MAGI2: variants seen among roughly 807,000 people sequenced by gnomAD.
The protein encoded by MAGI2 is membrane associated guanylate kinase, WW and PDZ domain containing 2, also known as membrane-associated guanylate kinase, WW and PDZ domain-containing protein 2.
A neutral mutation model predicts 133.3 loss-of-function variants in MAGI2; 35 were observed. The ratio of observed to expected loss-of-function variants is 0.26; its 90% confidence interval spans 0.20 to 0.35. The LOEUF is 0.35. MAGI2 is among the 10% of genes least tolerant of loss of function. The pLI is 1.00. For missense variants in MAGI2, 1,636 were observed against 1,863.4 expected (o/e 0.88, Z 2.25); for synonymous variants, 729 against 710.6 (o/e 1.03, Z -0.41).
At chr7:78,911,957 T>A (rs1798433248) in intron 2 of MAGI2, among the ~76,000 whole-genome samples, 1 of 152,166 alleles carries the variant, frequency 6.6e-6, no homozygotes, top group Non-Finnish European at 1.5e-5. Context: ...CAAGATCATG[T>A]CTTTTACGGG....
chr7:78,293,854 A>C (rs1240401793), intron 9 of MAGI2, among the ~76,000 whole-genome samples: 2 of 152,168 alleles, frequency 1.3e-5, no homozygotes, highest in Non-Finnish European at 2.9e-5. Flanking sequence ...CAAACACTGC[A>C]TGTTCTCACT....
At chr7:78,861,231 C>T (rs918488047) in intron 2 of MAGI2, among the ~76,000 whole-genome samples, 3 of 151,926 alleles carry the variant, frequency 2.0e-5, no homozygotes, top group Non-Finnish European at 4.4e-5. Flanking sequence ...TGGGCTGCAC[C>T]CACTGCCTGA....
intron 2 of MAGI2, among the ~76,000 whole-genome samples, chr7:78,649,235 A>AAAAAAAAAAAAAAAAAAAAT (rs1554512632): frequency 1.4e-5 from 1 of 73,992 alleles, no homozygotes; most frequent in Non-Finnish European, 2.8e-5. Context: ...AAAAAAAAAA[A>AAAAAAAAAAAAAAAAAAAAT]GAAAAAAAAA....
intron 10 of MAGI2, among the ~76,000 whole-genome samples, chr7:78,235,921 T>C (rs1308066230): frequency 6.6e-6 from 1 of 152,018 alleles, no homozygotes; most frequent in African/African-American, 2.4e-5. Flanking sequence ...AAAAGTGACA[T>C]ACTCAAAGTA....
At chr7:79,099,597 A>G (rs1415557088) in intron 1 of MAGI2, among the ~76,000 whole-genome samples, 1 of 152,102 alleles carries the variant, frequency 6.6e-6, no homozygotes, top group Non-Finnish European at 1.5e-5. Context: ...ATAGTACCCA[A>G]TGGGTAGTTT....
chr7:79,075,123 C>A (rs185910869), intron 1 of MAGI2, among the ~76,000 whole-genome samples: 1 of 152,324 alleles, frequency 6.6e-6, no homozygotes, highest in Non-Finnish European at 1.5e-5. Flanking sequence ...AAACAACCTT[C>A]TCTTCTCGAT....
At chr7:78,795,814 T>C (rs1228897879) in intron 2 of MAGI2, among the ~76,000 whole-genome samples, 1 of 151,952 alleles carries the variant, frequency 6.6e-6, no homozygotes, top group African/African-American at 2.4e-5. Flanking sequence ...TGGAACAGAA[T>C]AGAGAACACA....
chr7:78,267,512 C>T (rs947983593), intron 9 of MAGI2, among the ~76,000 whole-genome samples: 1 of 152,100 alleles, frequency 6.6e-6, no homozygotes, highest in East Asian at 1.9e-4. Context: ...ATACAAGTAT[C>T]AAGGAGTCAG....
At chr7:79,057,456 T>A (rs1342963973) in intron 1 of MAGI2, among the ~76,000 whole-genome samples, 2 of 152,230 alleles carry the variant, frequency 1.3e-5, no homozygotes, top group South Asian at 2.1e-4. Flanking sequence ...ACTGCCTTTA[T>A]TCTGAATATG....
At chr7:79,171,989 A>AT (rs1825670966) in intron 1 of MAGI2, among the ~76,000 whole-genome samples, 1 of 151,518 alleles carries the variant, frequency 6.6e-6, no homozygotes, top group Non-Finnish European at 1.5e-5. Context: ...GCCTTGCCTA[A>AT]TCACATGCTC....
chr7:79,132,845 T>C (rs1046897676), intron 1 of MAGI2, among the ~76,000 whole-genome samples: 1 of 152,162 alleles, frequency 6.6e-6, no homozygotes, highest in Non-Finnish European at 1.5e-5. Context: ...TGGCCATTAT[T>C]TCAGGAGTAC....
intron 3 of MAGI2, among the ~76,000 whole-genome samples, chr7:78,553,060 A>G (rs747062525): frequency 4.0e-5 from 6 of 151,438 alleles, no homozygotes; most frequent in Non-Finnish European, 8.8e-5. Flanking sequence ...AGAGAAGGAA[A>G]ATTCAGAAGT....
Position 78,657,983 on chromosome 7 carries a change from A to T in MAGI2, c.419-30744T>A, listed in dbSNP as rs114065156. ...AACTACTCTAAAAATTAAGTCTATTAAAAAAAAGAAATCAAACAACCAATT... is the reference window on the plus strand; with the variant it reads ...AACTACTCTAAAAATTAAGTCTATTTAAAAAAAGAAATCAAACAACCAATT... On this transcript the variant is annotated intron_variant, in intron 2 of 21. Transcript: ENST00000354212. 6.5e-3 allele frequency among the ~76,000 whole-genome samples: 982 copies of T among 152,160 alleles called. 16 individuals carry two copies. Among genetic ancestry groups the T allele is most frequent in the African/African-American group, 0.023 (945 of 41,518 alleles).
chr7:78,965,907 CT>C (rs1803266896), intron 2 of MAGI2, among the ~76,000 whole-genome samples: 1 of 152,024 alleles, frequency 6.6e-6, no homozygotes, highest in Non-Finnish European at 1.5e-5. Context: ...CAAAAAATAG[CT>C]TTTGGAGGCA....
intron 2 of MAGI2, among the ~76,000 whole-genome samples, chr7:78,856,710 G>A (rs1204024555): frequency 2.0e-5 from 3 of 152,056 alleles, no homozygotes; most frequent in Admixed American, 6.6e-5. Context: ...TTTTCTTTTG[G>A]CTTAGGATTG....
chr7:79,142,436 A>G (rs1048850749), intron 1 of MAGI2, among the ~76,000 whole-genome samples: 2 of 152,184 alleles, frequency 1.3e-5, no homozygotes, highest in African/African-American at 4.8e-5. Flanking sequence ...ACAGGAAAAA[A>G]TGCTTCTAAA....
At chr7:78,830,872 G>A (rs1791083211) in intron 2 of MAGI2, among the ~76,000 whole-genome samples, 1 of 152,164 alleles carries the variant, frequency 6.6e-6, no homozygotes, top group African/African-American at 2.4e-5. Context: ...TTCCTCCTGA[G>A]ACTTGAATAT....
intron 9 of MAGI2, among the ~76,000 whole-genome samples, chr7:78,329,906 A>C (rs1788993842): frequency 6.6e-6 from 1 of 152,206 alleles, no homozygotes; most frequent in Admixed American, 6.5e-5. Flanking sequence ...TCAACATGGC[A>C]CCACAATTCT....
At chr7:78,639,793 G>T (rs1406165783) in intron 2 of MAGI2, among the ~76,000 whole-genome samples, 1 of 152,114 alleles carries the variant, frequency 6.6e-6, no homozygotes, top group Non-Finnish European at 1.5e-5. Context: ...GTGTGACTGT[G>T]GGCCAGACAC....
Sources: allele counts gnomAD v4.1 joint callset (sites outside exome capture counted in the v4.1 genomes callset), GRCh38; gene constraint gnomAD v4.1.1; transcripts MANE v1.5; gene names NCBI Gene and HGNC (gene_info 2026-07-23, HGNC 2026-07-21).